The following BRINP3 variants were observed in gnomAD, a reference collection of about 807,000 sequenced individuals.
BRINP3 encodes BMP/retinoic acid inducible neural specific 3.
BRINP3 carries 19 observed loss-of-function variants against 71.0 expected under a neutral mutation model. That is an observed-to-expected ratio of 0.27 (90% CI 0.19 to 0.39). The LOEUF is 0.39. Ranked by LOEUF, BRINP3 falls within the 10% of genes least tolerant of loss-of-function variation. BRINP3 has a pLI of 1.00. For synonymous variants in BRINP3, 380 were observed against 337.7 expected (o/e 1.13, Z -1.37); for missense variants, 959 against 940.8 (o/e 1.02, Z -0.25).
chr1:190,158,868 GGA>G (rs140109633), intron 7 of BRINP3, among the ~76,000 whole-genome samples: 34 of 148,366 alleles, frequency 2.3e-4, no homozygotes, highest in Middle Eastern at 3.5e-3. Context: ...ACAGGGAGGG[GGA>G]GAGAGAGAGA....
intron 7 of BRINP3, among the ~76,000 whole-genome samples, chr1:190,134,262 A>G (rs1439158917): frequency 6.6e-6 from 1 of 152,066 alleles, no homozygotes; most frequent in Admixed American, 6.6e-5. Context: ...GCAAAGATGT[A>G]CAAAAGGATA....
intron 2 of BRINP3, among the ~76,000 whole-genome samples, chr1:190,391,570 T>A (rs1671252780): frequency 6.6e-6 from 1 of 151,738 alleles, no homozygotes; most frequent in African/African-American, 2.4e-5. Flanking sequence ...TTACAATAGC[T>A]CTTTTTAAAG....
intron 4 of BRINP3, among the ~76,000 whole-genome samples, chr1:190,255,449 C>G (rs142126039): frequency 0.028 from 4,249 of 152,200 alleles, 93 homozygotes; most frequent in Non-Finnish European, 0.043. Flanking sequence ...TAATTATTGT[C>G]TCAATTTCAG....
intron 1 of BRINP3, among the ~76,000 whole-genome samples, chr1:190,462,331 T>G (rs1205057468): frequency 6.6e-6 from 1 of 152,138 alleles, no homozygotes; most frequent in East Asian, 1.9e-4. Flanking sequence ...ACTGGAAAAC[T>G]AAGGACTTTT....
At chr1:190,253,970 C>T (rs1053511123) in intron 4 of BRINP3, among the ~76,000 whole-genome samples, 5 of 152,120 alleles carry the variant, frequency 3.3e-5, no homozygotes, top group African/African-American at 1.2e-4. Flanking sequence ...GATCCAGTTT[C>T]ATCTTTCTAC....
At chr1:190,379,327 T>C (rs988523432) in intron 2 of BRINP3, among the ~76,000 whole-genome samples, 2 of 152,162 alleles carry the variant, frequency 1.3e-5, no homozygotes, top group Non-Finnish European at 2.9e-5. Context: ...CATTGAGATA[T>C]TCCCCTGGCA....
At chr1:190,315,274 G>C (rs929782368) in intron 2 of BRINP3, among the ~76,000 whole-genome samples, 1 of 152,100 alleles carries the variant, frequency 6.6e-6, no homozygotes, top group East Asian at 1.9e-4. Flanking sequence ...TGATGTTTGA[G>C]CTTAAAACAG....
At chr1:190,127,529 T>C (rs978087707) in intron 7 of BRINP3, among the ~76,000 whole-genome samples, 2 of 151,892 alleles carry the variant, frequency 1.3e-5, no homozygotes, top group Non-Finnish European at 2.9e-5. Context: ...TTCTAAAAGT[T>C]ACATGAGTTT....
At chr1:190,258,544 TA>T (rs1350896591) in intron 4 of BRINP3, among the ~76,000 whole-genome samples, 2 of 152,044 alleles carry the variant, frequency 1.3e-5, no homozygotes, top group African/African-American at 4.8e-5. Context: ...CTCATGTAAC[TA>T]AAAGTAAGGA....
chr1:190,209,469 C>T (rs1355183324), intron 6 of BRINP3, among the ~76,000 whole-genome samples: 1 of 152,070 alleles, frequency 6.6e-6, no homozygotes, highest in Non-Finnish European at 1.5e-5. Context: ...ACAGTTTTTT[C>T]TCAAGCTTCC....
chr1:190,354,844 A>G (rs191898474), intron 2 of BRINP3, among the ~76,000 whole-genome samples: 9 of 151,478 alleles, frequency 5.9e-5, no homozygotes, highest in African/African-American at 1.9e-4. Context: ...GTGATCATTT[A>G]AAAAATATAT....
At chr1:190,282,493 G>C (rs2102939954) in intron 2 of BRINP3, among the ~76,000 whole-genome samples, 1 of 151,662 alleles carries the variant, frequency 6.6e-6, no homozygotes, top group Admixed American at 6.6e-5. Context: ...TCTGAGAAGT[G>C]GTCCAATAAA....
At chr1:190,294,140 C>T (rs1310893011) in intron 2 of BRINP3, among the ~76,000 whole-genome samples, 2 of 151,830 alleles carry the variant, frequency 1.3e-5, no homozygotes, top group Admixed American at 6.6e-5. Flanking sequence ...AAGTTATTTC[C>T]TCTGGTGGTA....
intron 7 of BRINP3, among the ~76,000 whole-genome samples, chr1:190,111,191 A>AAAAAC (rs1652647426): frequency 6.7e-6 from 1 of 149,518 alleles, no homozygotes; most frequent in African/African-American, 2.5e-5. Flanking sequence ...TTAAAAAAAA[A>AAAAAC]AAAAAAAAAA....
chr1:190,117,157 T>G (rs1199960814), intron 7 of BRINP3, among the ~76,000 whole-genome samples: 1 of 152,062 alleles, frequency 6.6e-6, no homozygotes, highest in African/African-American at 2.4e-5. Context: ...TTATTTACAA[T>G]CAATTAAGAA....
At chr1:190,145,152 A>G (rs1422117429) in intron 7 of BRINP3, among the ~76,000 whole-genome samples, 1 of 152,140 alleles carries the variant, frequency 6.6e-6, no homozygotes, top group Non-Finnish European at 1.5e-5. Context: ...CTATTTATAT[A>G]CATTATATAT....
intron 1 of BRINP3, among the ~76,000 whole-genome samples, chr1:190,473,387 C>T (rs1475227875): frequency 6.6e-6 from 1 of 151,816 alleles, no homozygotes; most frequent in African/African-American, 2.4e-5. Context: ...GTAAGCCATA[C>T]TAGCAGAAAA....
chr1:190,138,109 C>A (rs1181937243), intron 7 of BRINP3, among the ~76,000 whole-genome samples: 3 of 152,100 alleles, frequency 2.0e-5, no homozygotes, highest in African/African-American at 7.2e-5. Flanking sequence ...CATGTACCAG[C>A]ACGCCTGGCT....
At chr1:190,304,389 G>A (rs1241576129) in intron 2 of BRINP3, among the ~76,000 whole-genome samples, 1 of 151,554 alleles carries the variant, frequency 6.6e-6, no homozygotes, top group African/African-American at 2.4e-5. Context: ...AGCATACTAC[G>A]AAGATATATT....
Sources: allele counts gnomAD v4.1 joint callset (sites outside exome capture counted in the v4.1 genomes callset), GRCh38; gene constraint gnomAD v4.1.1; transcripts MANE v1.5; gene names NCBI Gene and HGNC (gene_info 2026-07-23, HGNC 2026-07-21).